The following CA10 variants were observed in gnomAD, a reference collection of about 807,000 sequenced individuals.
The protein encoded by CA10 is carbonic anhydrase 10 (inactive), also known as carbonic anhydrase-related protein 10.
A neutral mutation model predicts 44.2 loss-of-function variants in CA10; 14 were observed. The ratio of observed to expected loss-of-function variants is 0.32; its 90% CI spans 0.21 to 0.50. CA10 has a LOEUF of 0.50. Among genes scored for constraint, CA10 ranks in the 20% least tolerant of loss-of-function variants. The probability of loss-of-function intolerance (pLI) is 0.99; values close to 1 mark genes in which losing one functional copy is unlikely to be tolerated. For missense variants in CA10, 350 were observed against 409.7 expected (o/e 0.85, Z 1.26); for synonymous variants, 159 against 141.6 (o/e 1.12, Z -0.87).
chr17:52,073,396 T>A (rs974785587), intron 1 of CA10, among the ~76,000 whole-genome samples: 4 of 152,140 alleles, frequency 2.6e-5, no homozygotes, highest in Admixed American at 2.0e-4. Flanking sequence ...TTGGACTGTT[T>A]AGCTTCAAGT....
chr17:51,823,546 T>C (rs1381109998), intron 3 of CA10, among the ~76,000 whole-genome samples: 1 of 152,242 alleles, frequency 6.6e-6, no homozygotes, highest in Non-Finnish European at 1.5e-5. Context: ...TGAAGCCTAG[T>C]TGTGCTCACT....
At chr17:51,725,285 A>G (rs2143542511) in intron 4 of CA10, among the ~76,000 whole-genome samples, 1 of 152,324 alleles carries the variant, frequency 6.6e-6, no homozygotes, top group South Asian at 2.1e-4. Context: ...TGAATAACCC[A>G]TATGAGAAAG....
chr17:52,011,738 A>T (rs1387604516), intron 2 of CA10, among the ~76,000 whole-genome samples: 1 of 152,056 alleles, frequency 6.6e-6, no homozygotes, highest in Non-Finnish European at 1.5e-5. Context: ...ACTACAGGAG[A>T]TCATGATACA....
chr17:51,830,661 A>G (rs73346508), intron 3 of CA10, among the ~76,000 whole-genome samples: 4,628 of 152,284 alleles, frequency 0.03, 260 homozygotes, highest in African/African-American at 0.11. Context: ...CTGCTTCAGC[A>G]AAGAGGCCAA....
At chr17:51,817,418 A>G (rs969438942) in intron 3 of CA10, among the ~76,000 whole-genome samples, 6 of 152,118 alleles carry the variant, frequency 3.9e-5, no homozygotes, top group African/African-American at 9.7e-5. Context: ...CCTAGGCCTT[A>G]CTTTTCTCCT....
At chr17:51,667,177 A>G (rs1914239063) in intron 4 of CA10, among the ~76,000 whole-genome samples, 1 of 152,234 alleles carries the variant, frequency 6.6e-6, no homozygotes, top group African/African-American at 2.4e-5. Flanking sequence ...AGGGAGCCAC[A>G]GGAATGCACC....
intron 2 of CA10, among the ~76,000 whole-genome samples, chr17:51,971,956 T>C (rs1984294834): frequency 6.6e-6 from 1 of 152,086 alleles, no homozygotes; most frequent in South Asian, 2.1e-4. Flanking sequence ...TTAGTTTCTA[T>C]TGATTTATCA....
At chr17:51,801,225 A>G (rs1210061454) in intron 3 of CA10, among the ~76,000 whole-genome samples, 1 of 152,152 alleles carries the variant, frequency 6.6e-6, no homozygotes, top group Non-Finnish European at 1.5e-5. Flanking sequence ...AAAACCACAC[A>G]CATGTTCACT....
chr17:51,679,562 AT>A (rs58947305), intron 4 of CA10, among the ~76,000 whole-genome samples: 95,878 of 140,910 alleles, frequency 0.68, 34,936 homozygotes, highest in Non-Finnish European at 0.81. Flanking sequence ...TGCCTGGCCT[AT>A]TTTTTTTTTT....
At chr17:51,864,975 A>C (rs1434363101) in intron 3 of CA10, among the ~76,000 whole-genome samples, 1 of 152,174 alleles carries the variant, frequency 6.6e-6, no homozygotes, top group African/African-American at 2.4e-5. Flanking sequence ...GCTGGGTGCC[A>C]AGAATACCAG....
At chr17:51,914,722 T>C (rs908720369) in intron 3 of CA10, among the ~76,000 whole-genome samples, 3 of 152,166 alleles carry the variant, frequency 2.0e-5, no homozygotes, top group African/African-American at 7.2e-5. Context: ...TTGATATAGA[T>C]GGAATGTATT....
chr17:51,696,866 G>C (rs1434187984), intron 4 of CA10, among the ~76,000 whole-genome samples: 2 of 152,086 alleles, frequency 1.3e-5, no homozygotes, highest in Non-Finnish European at 2.9e-5. Context: ...CAAACATATA[G>C]TTGCATCAAA....
chr17:52,131,065 A>G (rs189672305), intron 1 of CA10, among the ~76,000 whole-genome samples: 2 of 152,016 alleles, frequency 1.3e-5, no homozygotes, highest in Non-Finnish European at 2.9e-5. Flanking sequence ...TCAAAACACA[A>G]TATTACATAT....
intron 2 of CA10, among the ~76,000 whole-genome samples, chr17:52,068,731 A>G (rs1251329362): frequency 6.6e-6 from 1 of 152,206 alleles, no homozygotes; most frequent in Non-Finnish European, 1.5e-5. Context: ...GCCATAGAAG[A>G]TATGGGTTTT....
In CA10 at chr17:51,672,114, C is replaced by T. The variant is rs993457065; in HGVS notation, c.466-18378G>A. On this transcript the variant is annotated intron_variant, in intron 4 of 8. Coordinates refer to ENST00000451037, the MANE Select transcript of CA10 (RefSeq NM_020178.5). ...TACATAAGTTAGTGCATGTAAAACACCTAGTATCCACCAGACATGCAATAG... is the reference window on the plus strand; with the variant it reads ...TACATAAGTTAGTGCATGTAAAACATCTAGTATCCACCAGACATGCAATAG... 1.3e-5 allele frequency among the ~76,000 whole-genome samples: 2 copies of T among 152,300 alleles called. 1 individual carries two copies. The highest frequency in any genetic ancestry group is 1.3e-4 in the Admixed American group (2 of 15,300).
In CA10 at chr17:51,631,316, G is replaced by T; in HGVS notation, c.*268C>A. On this transcript the variant is annotated 3_prime_UTR_variant, in exon 9 of 9. Coordinates refer to ENST00000451037, the MANE Select transcript of CA10 (RefSeq NM_020178.5). The stretch of plus-strand genomic sequence containing the variant: ...CTGAAACTTGACTTCCCATGATGGA[G>T]GTTGTAAGAGTGTGTGTGTGTGTAG... 1 of 423,300 alleles carries T rather than the reference G, an allele frequency of 2.4e-6. No homozygotes were observed. Among genetic ancestry groups the T allele is most frequent in the South Asian group, 4.9e-5 (1 of 20,590 alleles). The allele number at this position is 423,300 out of a possible 1,614,324, so 26.2% of individuals were successfully genotyped here.
chr17:51,942,922 T>C (rs1983138679), intron 2 of CA10, among the ~76,000 whole-genome samples: 1 of 152,056 alleles, frequency 6.6e-6, no homozygotes, highest in Non-Finnish European at 1.5e-5. Context: ...CAACTACTTA[T>C]TGAGTGGGTG....
intron 4 of CA10, among the ~76,000 whole-genome samples, chr17:51,679,562 A>ATT (rs58947305): frequency 2.8e-5 from 4 of 140,880 alleles, no homozygotes; most frequent in African/African-American, 7.9e-5. Flanking sequence ...TGCCTGGCCT[A>ATT]TTTTTTTTTT....
At chr17:51,657,121 AGTTTACAGAAT>A (rs1913825298) in intron 4 of CA10, among the ~76,000 whole-genome samples, 1 of 152,176 alleles carries the variant, frequency 6.6e-6, no homozygotes, top group Non-Finnish European at 1.5e-5. Context: ...AGGCCTTTGC[AGTTTACAGAAT>A]GTGTATGTTT....
Sources: gnomAD v4.1 joint callset for allele counts (sites outside exome capture counted in the v4.1 genomes callset) on GRCh38, gnomAD v4.1.1 for gene constraint, MANE v1.5 for transcripts, NCBI Gene and HGNC (gene_info 2026-07-23, HGNC 2026-07-21) for gene names.